The following ARHGEF4 variants were observed in gnomAD, a reference collection of about 807,000 sequenced individuals.
The protein encoded by ARHGEF4 is Rho guanine nucleotide exchange factor 4, also known as APC-stimulated guanine nucleotide exchange factor 1.
Under a neutral mutation model 162.0 loss-of-function variants are expected in ARHGEF4, and 119 were observed. That is an observed-to-expected ratio of 0.73 (90% CI 0.63 to 0.86). The LOEUF (loss-of-function observed/expected upper bound fraction) is 0.86, where lower values mean the gene tolerates loss of function less well. Ranked by LOEUF, ARHGEF4 falls within the 40% of genes least tolerant of loss-of-function variation. The probability of loss-of-function intolerance (pLI) is 0.00; values close to 1 mark genes in which losing one functional copy is unlikely to be tolerated. For synonymous variants in ARHGEF4, 1,014 were observed against 979.9 expected (o/e 1.03, Z -0.65); for missense variants, 2,488 against 2,456.0 (o/e 1.01, Z -0.28).
intron 1 of ARHGEF4, among the ~76,000 whole-genome samples, chr2:130,910,822 A>G (rs1309580311): frequency 1.3e-5 from 2 of 152,240 alleles, no homozygotes; most frequent in African/African-American, 2.4e-5. Flanking sequence ...GAAATCAGAA[A>G]CAGATAACTA....
At chr2:130,883,441 TA>T (rs1679318159) in intron 1 of ARHGEF4, among the ~76,000 whole-genome samples, 1 of 152,092 alleles carries the variant, frequency 6.6e-6, no homozygotes, top group Non-Finnish European at 1.5e-5. Flanking sequence ...TTTTTCAGAA[TA>T]AAAAAGCACA....
chr2:130,975,263 C>T (rs965199901), intron 4 of ARHGEF4, among the ~76,000 whole-genome samples: 1 of 152,214 alleles, frequency 6.6e-6, no homozygotes, highest in Non-Finnish European at 1.5e-5. Context: ...TTCTGTATTT[C>T]CTGATGCTTT....
chr2:130,839,154 G>A (rs1193678765), intron 1 of ARHGEF4, among the ~76,000 whole-genome samples: 1 of 152,074 alleles, frequency 6.6e-6, no homozygotes, highest in African/African-American at 2.4e-5. Context: ...GGCTGTGTGA[G>A]TGTGTCTTGC....
intron 4 of ARHGEF4, among the ~76,000 whole-genome samples, chr2:131,023,808 G>A (rs796589170): frequency 3.3e-5 from 5 of 152,282 alleles, no homozygotes; most frequent in African/African-American, 1.2e-4. Flanking sequence ...CCCTGCTGGT[G>A]AATTATCATA....
At chr2:130,995,370 C>T (rs1687309120) in intron 4 of ARHGEF4, among the ~76,000 whole-genome samples, 1 of 152,044 alleles carries the variant, frequency 6.6e-6, no homozygotes, top group Non-Finnish European at 1.5e-5. Context: ...TGTTTCTTTC[C>T]TGGAGTTTTT....
chr2:130,902,597 A>G (rs1394950202), intron 1 of ARHGEF4, among the ~76,000 whole-genome samples: 1 of 151,870 alleles, frequency 6.6e-6, no homozygotes, highest in African/African-American at 2.4e-5. Flanking sequence ...CCATCTCAAA[A>G]ATGAAAGGAA....
intron 1 of ARHGEF4, among the ~76,000 whole-genome samples, chr2:130,869,972 C>G (rs1371656438): frequency 6.6e-6 from 1 of 152,228 alleles, no homozygotes; most frequent in Non-Finnish European, 1.5e-5. Context: ...ACCCGCTGAG[C>G]TCTCAGGCTG....
intron 2 of ARHGEF4, among the ~76,000 whole-genome samples, chr2:130,923,170 T>G (rs1338999530): frequency 6.6e-6 from 1 of 152,152 alleles, no homozygotes; most frequent in Non-Finnish European, 1.5e-5. Context: ...GCTCAAGTGA[T>G]CCACCCACCT....
At chr2:130,840,695 G>A (rs1363342656) in intron 1 of ARHGEF4, among the ~76,000 whole-genome samples, 1 of 152,166 alleles carries the variant, frequency 6.6e-6, no homozygotes, top group African/African-American at 2.4e-5. Context: ...GGTGGATGCA[G>A]GGCACAGCTC....
In ARHGEF4 at chr2:130,916,146, G is replaced by C. The variant is rs1254793845; in HGVS notation, c.2200G>C (p.Gly734Arg). The change falls in exon 2 of 14, where the codon GGA becomes CGA. Residue 734 changes from glycine (G) to arginine (R), a missense_variant. Physicochemically the swap from Gly to Arg is moderately radical, Grantham distance 125. This residue lies in a region of ARHGEF4 where 1,642 missense variants were observed against 1,481.5 expected (regional missense o/e 1.11). Transcript: ENST00000409359. ...EETPSTEEPP[G>R]ERLRGESRSS... Reference sequence around the variant, plus strand: ...GACGCCGAGCACAGAGGAGCCCCCGGGAGAGAGACTGCGTGGGGAGAGCCG... The same window carrying C: ...GACGCCGAGCACAGAGGAGCCCCCGCGAGAGAGACTGCGTGGGGAGAGCCG... 3 of 1,549,122 alleles carry C rather than the reference G, an allele frequency of 1.9e-6. No homozygotes were observed. The highest frequency in any genetic ancestry group is 1.7e-6 in the Non-Finnish European group (2 of 1,146,880).
chr2:130,982,073 A>G (rs1686157629), intron 4 of ARHGEF4, among the ~76,000 whole-genome samples: 1 of 152,094 alleles, frequency 6.6e-6, no homozygotes, highest in South Asian at 2.1e-4. Flanking sequence ...GTGTTGGCTC[A>G]CTGCAACCTC....
chr2:131,044,396 A>C lies in ARHGEF4; in HGVS notation c.5255A>C (p.His1752Pro). The change falls in exon 12 of 14, where the codon CAT (histidine) becomes CCT (proline). Residue 1752 changes from histidine to proline, a missense_variant. His to Pro is a moderately conservative substitution (Grantham distance 77). Transcript: ENST00000409359. ...DLEDGKDRDL[H>P]VSIKNAFRLH... ...GAGGACGGGAAGGACAGAGACCTCC[A>C]TGTGAGCATCAAGAACGCCTTCCGG... 1.3e-6 allele frequency: 2 copies of C among 1,586,502 alleles called. No homozygotes were observed. The highest frequency in any genetic ancestry group is 2.3e-5 in the South Asian group (2 of 86,946).
At chr2:131,031,293 C>G (rs1371200090) in intron 5 of ARHGEF4, among the ~76,000 whole-genome samples, 1 of 152,218 alleles carries the variant, frequency 6.6e-6, no homozygotes, top group Non-Finnish European at 1.5e-5. Context: ...GAATGCAAAC[C>G]CTCTGGCCTG....
At chr2:130,908,697 TA>T (rs1223582907) in intron 1 of ARHGEF4, among the ~76,000 whole-genome samples, 8 of 148,286 alleles carry the variant, frequency 5.4e-5, no homozygotes, top group African/African-American at 9.9e-5. Context: ...TAATAAAATT[TA>T]AAAAAAAAAG....
chr2:130,915,433 C>T lies in ARHGEF4; in HGVS notation c.1487C>T (p.Ser496Phe). ...ACACAGAAGCACCTCTGGGGCATTT[C>T]TGTCCAGGCAGGAAACCAAACCAGT... ...RETQKHLWGI[S>F]VQAGNQTSNY... The change falls in exon 2 of 14, where the codon TCT becomes TTT. Residue 496 changes from serine (S) to phenylalanine (F), a missense_variant. Ser to Phe is a radical substitution (Grantham distance 155). Transcript: ENST00000409359. 2 of 1,550,594 alleles carry T rather than the reference C, an allele frequency of 1.3e-6. No individual in the cohort carries two copies. Among genetic ancestry groups the T allele is most frequent in the Non-Finnish European group, 1.7e-6 (2 of 1,147,014 alleles).
In ARHGEF4 at chr2:131,040,451, G is replaced by A. The variant is rs1181551256; in HGVS notation, c.4662+11G>A. ...TGCTTCCTGGAGCATGTGAGCGCGC[G>A]GCCCCCGGCCCCTACCTGGGCGCTG... is the stretch of plus-strand genomic sequence containing the variant. On this transcript the variant is annotated intron_variant, in intron 8 of 13. Transcript: ENST00000409359. The A allele has an allele frequency of 1.3e-6, 2 of 1,548,334 alleles. No individual in the cohort carries two copies. Among genetic ancestry groups the A allele is most frequent in the South Asian group, 2.4e-5 (2 of 83,162 alleles).
intron 4 of ARHGEF4, among the ~76,000 whole-genome samples, chr2:131,025,324 G>A (rs1241971372): frequency 1.3e-5 from 2 of 152,238 alleles, no homozygotes; most frequent in African/African-American, 4.8e-5. Context: ...GGGGAAATCC[G>A]CCCCCATGAT....
At chr2:131,014,947 C>G (rs1573614840) in intron 4 of ARHGEF4, among the ~76,000 whole-genome samples, 1 of 152,044 alleles carries the variant, frequency 6.6e-6, no homozygotes, top group East Asian at 1.9e-4. Context: ...AGACGGGGAG[C>G]AGTTTTCCCC....
chr2:130,982,103 A>G (rs967794904), intron 4 of ARHGEF4, among the ~76,000 whole-genome samples: 10 of 152,208 alleles, frequency 6.6e-5, no homozygotes, highest in South Asian at 2.1e-4. Flanking sequence ...GGTTCAAGCA[A>G]TTCCCCTGCC....
Sources: allele counts gnomAD v4.1 joint callset (sites outside exome capture counted in the v4.1 genomes callset), GRCh38; gene constraint gnomAD v4.1.1; regional missense constraint gnomAD v4.1.1; transcripts MANE v1.5; gene names NCBI Gene and HGNC (gene_info 2026-07-23, HGNC 2026-07-21).